Variants in SORCS1 observed in about 807,000 individuals in gnomAD.
SORCS1 encodes the protein VPS10 domain-containing receptor SorCS1.
Under a neutral mutation model 146.1 loss-of-function variants are expected in SORCS1, and 60 were observed. The observed-to-expected ratio is 0.41, with a 90% confidence interval of 0.33 to 0.51. The LOEUF (loss-of-function observed/expected upper bound fraction) is 0.51, where lower values mean the gene tolerates loss of function less well. SORCS1 is among the 20% of genes least tolerant of loss of function. The pLI is 0.21. For synonymous variants in SORCS1, 637 were observed against 584.0 expected (o/e 1.09, Z -1.31); for missense variants, 1,352 against 1,487.6 (o/e 0.91, Z 1.50).
chr10:107,126,063 G>A (rs1966695807), intron 1 of SORCS1, among the ~76,000 whole-genome samples: 3 of 152,084 alleles, frequency 2.0e-5, no homozygotes, highest in Admixed American at 2.0e-4. Flanking sequence ...ATTTATCTCT[G>A]CTTGACTTTA....
intron 1 of SORCS1, among the ~76,000 whole-genome samples, chr10:107,072,325 C>A (rs1962500661): frequency 6.6e-6 from 1 of 152,146 alleles, no homozygotes. Flanking sequence ...TAATAACTGG[C>A]ACGCAAATTA....
At chr10:106,665,816 A>C (rs1410306620) in intron 17 of SORCS1, among the ~76,000 whole-genome samples, 2 of 152,064 alleles carry the variant, frequency 1.3e-5, no homozygotes, top group Non-Finnish European at 2.9e-5. Context: ...ATTTGGTCAA[A>C]TGTTACACTT....
chr10:107,169,629 A>T (rs1170659997), upstream of SORCS1, among the ~76,000 whole-genome samples: 1 of 152,134 alleles, frequency 6.6e-6, no homozygotes, highest in Non-Finnish European at 1.5e-5. Context: ...ACACCTCTAA[A>T]CAGTTTTTGT....
At position 106,620,542 on chromosome 10, in the gene SORCS1, G is replaced by A. The variant is rs369773639; in HGVS notation, c.2682C>T (p.His894=). ...LHVTCPLEHV[H]LSLPFVTTKN... is the part of the protein sequence containing the mutation. ...TTGTGGTGACAAAGGGAAGAGACAG[G>A]TGCACGTGCTCCAAGGGACCTGAGG... The change falls in exon 20 of 26, where the codon CAC becomes CAT. Residue 894 remains histidine (H), a synonymous_variant. Transcript: ENST00000263054. 6 of 1,613,886 alleles carry A rather than the reference G, an allele frequency of 3.7e-6. No individual in the cohort carries two copies. In the African/African-American group the frequency reaches 8.0e-5, roughly 22 times the overall value.
At chr10:106,682,769 G>C (rs821943) in intron 10 of SORCS1, among the ~76,000 whole-genome samples, 126,390 of 152,118 alleles carry the variant, frequency 0.83, 53,852 homozygotes, top group Non-Finnish European at 0.94. Context: ...AGTCACAATA[G>C]TTATCTCCAA....
At chr10:106,713,691 A>G (rs538090083) in intron 6 of SORCS1, among the ~76,000 whole-genome samples, 1 of 152,330 alleles carries the variant, frequency 6.6e-6, no homozygotes, top group South Asian at 2.1e-4. Context: ...AAGCTAAAAA[A>G]TAGTGATGTG....
chr10:106,947,497 G>T (rs778180492), intron 2 of SORCS1, among the ~76,000 whole-genome samples: 1 of 152,178 alleles, frequency 6.6e-6, no homozygotes, highest in Non-Finnish European at 1.5e-5. Context: ...CTGGCTGTCA[G>T]ACCATTAAGC....
intron 2 of SORCS1, among the ~76,000 whole-genome samples, chr10:106,956,078 C>G (rs1302408146): frequency 2.0e-5 from 3 of 151,242 alleles, no homozygotes; most frequent in Admixed American, 2.0e-4. Context: ...TGCGCTGAGC[C>G]GAGATGCGCC....
At chr10:106,944,466 G>A (rs1954206987) in intron 2 of SORCS1, among the ~76,000 whole-genome samples, 1 of 152,024 alleles carries the variant, frequency 6.6e-6, no homozygotes, top group African/African-American at 2.4e-5. Context: ...CCTCCAGAAA[G>A]CTCTTCCTTC....
chr10:106,717,314 C>G (rs1855447694), intron 6 of SORCS1, among the ~76,000 whole-genome samples: 1 of 152,242 alleles, frequency 6.6e-6, no homozygotes, highest in South Asian at 2.1e-4. Context: ...CAACACGCTG[C>G]TGTTCATATA....
At chr10:106,986,625 G>A (rs1956490073) in intron 1 of SORCS1, among the ~76,000 whole-genome samples, 1 of 151,374 alleles carries the variant, frequency 6.6e-6, no homozygotes, top group African/African-American at 2.4e-5. Flanking sequence ...ATTGTAAATT[G>A]CTTGATATTT....
At chr10:107,144,261 C>T (rs1373257662) in intron 1 of SORCS1, among the ~76,000 whole-genome samples, 2 of 152,218 alleles carry the variant, frequency 1.3e-5, no homozygotes, top group Non-Finnish European at 2.9e-5. Context: ...TATATTTCAA[C>T]TATTTAATTC....
intron 1 of SORCS1, among the ~76,000 whole-genome samples, chr10:107,073,130 A>C (rs1180222049): frequency 6.6e-6 from 1 of 152,200 alleles, no homozygotes; most frequent in Non-Finnish European, 1.5e-5. Flanking sequence ...ATATTCTTGT[A>C]TAATTCTTTC....
At chr10:106,852,914 T>C (rs896036721) in intron 2 of SORCS1, among the ~76,000 whole-genome samples, 2 of 152,302 alleles carry the variant, frequency 1.3e-5, no homozygotes, top group Non-Finnish European at 2.9e-5. Flanking sequence ...TGAGAGATAA[T>C]TGTCTGTAAG....
intron 23 of SORCS1, 28 bp from the exon 24 acceptor site, chr10:106,597,478 C>T (rs562811034): frequency 1.9e-6 from 3 of 1,542,038 alleles, no homozygotes; most frequent in Admixed American, 3.3e-5. Flanking sequence ...GTTAGTGACA[C>T]CAAAAGTGTC....
At chr10:107,178,007 T>TGGGG in the SORCS1 span, among the ~76,000 whole-genome samples, 1 of 151,538 alleles carries the variant, frequency 6.6e-6, no homozygotes, top group Non-Finnish European at 1.5e-5. Flanking sequence ...GTTGGAGCAT[T>TGGGG]GGGGGTGGGA....
chr10:107,036,210 AAAT>A lies in SORCS1; in HGVS notation c.559-79633_559-79631del, dbSNP rs953952870. On this transcript the variant is annotated intron_variant, in intron 1 of 25. Coordinates refer to ENST00000263054, the MANE Select transcript of SORCS1 (RefSeq NM_052918.5). ...CCTTTCATTTTGATACAGCAATAAA[AAAT>A]AATATGAATAAAAATAGTATAACAA... 1.4e-3 allele frequency among the ~76,000 whole-genome samples: 184 copies of A among 132,816 alleles called. 1 individual carries two copies. Among genetic ancestry groups the A allele is most frequent in the African/African-American group, 5.0e-3 (178 of 35,906 alleles). 87.1% of individuals were successfully genotyped at this position (132,816 alleles called of 152,430 possible). A position where few individuals can be genotyped will look rare whatever the true frequency, so the allele number is the denominator to read the frequency against.
Position 106,828,095 on chromosome 10 carries a change from G to A in SORCS1, c.726+1479C>T, listed in dbSNP as rs201532505. Among the ~76,000 whole-genome samples the A allele has an allele frequency of 3.9e-5, 6 of 152,172 alleles. No individual in the cohort carries two copies. In the East Asian group the frequency reaches 5.8e-4, roughly 15 times the overall value. ...ATATAATCCTTACAACTTCCCACAC[G>A]AGGTAGGTAGGTACTGTAACTGTCC... On this transcript the variant is annotated intron_variant, in intron 3 of 25. Coordinates refer to ENST00000263054, the MANE Select transcript of SORCS1 (RefSeq NM_052918.5).
At chr10:107,110,246 T>C (rs1454819056) in intron 1 of SORCS1, among the ~76,000 whole-genome samples, 2 of 152,220 alleles carry the variant, frequency 1.3e-5, no homozygotes, top group Non-Finnish European at 2.9e-5. Flanking sequence ...CAGGTATCTT[T>C]ATAGCAATAC....
Sources: allele counts gnomAD v4.1 joint callset (sites outside exome capture counted in the v4.1 genomes callset), GRCh38; gene constraint gnomAD v4.1.1; transcripts MANE v1.5; gene names NCBI Gene and HGNC (gene_info 2026-07-23, HGNC 2026-07-21).